Variants in SPATA7 observed in about 807,000 individuals in gnomAD.
SPATA7 encodes the protein spermatogenesis associated 7, also known as spermatogenesis-associated protein 7.
A neutral mutation model predicts 51.8 loss-of-function variants in SPATA7; 43 were observed. The ratio of observed to expected loss-of-function variants is 0.83; its 90% CI spans 0.65 to 1.07. SPATA7 has a LOEUF of 1.07. SPATA7 is among the 50% of genes least tolerant of loss of function. The pLI is 0.00. For synonymous variants in SPATA7, 230 were observed against 252.8 expected, an observed-to-expected ratio of 0.91 and a Z score of 0.86; for missense variants, 683 against 701.3, an observed-to-expected ratio of 0.97 and a Z score of 0.30.
At chr14:88,466,728 A>G (rs2140070504) in intron 4 of SPATA7, 1 of 150,850 alleles carries the variant, frequency 6.6e-6, no homozygotes, top group Admixed American at 6.7e-5. Flanking sequence ...CCTAAATGGG[A>G]TGGGTGAGGG....
At chr14:88,415,455 G>A (rs536767823) in intron 4 of SPATA7, among the ~76,000 whole-genome samples, 3 of 150,446 alleles carry the variant, frequency 2.0e-5, no homozygotes, top group Non-Finnish European at 4.4e-5. Flanking sequence ...TGTGTGATGG[G>A]CCTCTTGAAG....
intron 4 of SPATA7, chr14:88,465,792 T>G (rs1307784704): frequency 6.6e-6 from 1 of 152,190 alleles, no homozygotes; most frequent in Non-Finnish European, 1.5e-5. Context: ...GTGGATAGAT[T>G]TTTATTCAGA....
Position 88,391,353 on chromosome 14 carries a change from ATTTATGAT to A in SPATA7, c.20-24_20-17del. 1 of 1,572,542 alleles carries A rather than the reference ATTTATGAT, an allele frequency of 6.4e-7. No individual in the cohort carries two copies. The highest frequency in any genetic ancestry group is 8.7e-7 in the Non-Finnish European group (1 of 1,145,540). On this transcript the variant is annotated intron_variant, in intron 1 of 11. Transcript: ENST00000393545. Reference sequence around the variant, plus strand: ...TAAAAGTTGTGTTTCATTTATCCTAATTTATGATTTTTTTTTCTTGTTAAAAGTCAGAG... The same window carrying A: ...TAAAAGTTGTGTTTCATTTATCCTAATTTTTTTTCTTGTTAAAAGTCAGAG...
intron 1 of SPATA7, among the ~76,000 whole-genome samples, chr14:88,390,790 T>C (rs2075723863): frequency 6.6e-6 from 1 of 152,176 alleles, no homozygotes; most frequent in South Asian, 2.1e-4. Flanking sequence ...TGGTATTTTT[T>C]CTTATGTTTA....
chr14:88,423,496 C>T (rs1235768965), intron 5 of SPATA7, among the ~76,000 whole-genome samples: 2 of 150,918 alleles, frequency 1.3e-5, no homozygotes, highest in East Asian at 3.9e-4. Flanking sequence ...GTCGTGGCTG[C>T]AGTGAGCCAT....
chr14:88,414,713 G>A (rs1406749866), intron 4 of SPATA7: 1 of 373,264 alleles, frequency 2.7e-6, no homozygotes, highest in Non-Finnish European at 5.2e-6. Flanking sequence ...CACTGCTTTT[G>A]CTGCATCCCA....
chr14:88,441,709 C>T (rs1175918374), downstream of SPATA7, among the ~76,000 whole-genome samples: 2 of 151,962 alleles, frequency 1.3e-5, no homozygotes, highest in African/African-American at 4.8e-5. Context: ...TTGTTTCTTG[C>T]TGATTTGTTT....
intron 1 of SPATA7, among the ~76,000 whole-genome samples, chr14:88,386,579 T>C (rs2075584689): frequency 1.3e-5 from 2 of 152,146 alleles, no homozygotes; most frequent in Admixed American, 1.3e-4. Flanking sequence ...ATTTCTTGAG[T>C]CAGGTGGACA....
Position 88,429,386 on chromosome 14 carries a change from A to G in SPATA7, c.951A>G (p.Ile317Met). 1.2e-6 allele frequency: 2 copies of G among 1,612,624 alleles called. No homozygotes were observed. The highest frequency in any genetic ancestry group is 1.7e-6 in the Non-Finnish European group (2 of 1,178,900). The change falls in exon 8 of 12, where the codon ATA (isoleucine) becomes ATG (methionine). Residue 317 changes from isoleucine (I) to methionine (M), a missense_variant. Transcript: ENST00000393545. ...NCVTYDAKEK[I>M]APLPLEGHDS... ...TGACATATGATGCCAAAGAAAAAAT[A>G]GCTCCTTTACCTTTAGAAGGGCATG...
chr14:88,394,464 C>G (rs1474391819), intron 3 of SPATA7, among the ~76,000 whole-genome samples: 4 of 152,100 alleles, frequency 2.6e-5, no homozygotes, highest in African/African-American at 9.7e-5. Flanking sequence ...GAGACTAATT[C>G]ACACTGTTCT....
At chr14:88,467,310 T>C (rs1285037614) in intron 4 of SPATA7, 1 of 152,210 alleles carries the variant, frequency 6.6e-6, no homozygotes, top group East Asian at 1.9e-4. Context: ...TAGGCAATTG[T>C]TTTTCACTTC....
chr14:88,444,132 C>A (rs1471496286), intron 3 of SPATA7, among the ~76,000 whole-genome samples: 2 of 151,898 alleles, frequency 1.3e-5, no homozygotes, highest in Non-Finnish European at 2.9e-5. Context: ...TCTCCACATC[C>A]TCTCCAGCAC....
chr14:88,429,572 A>G (rs2076886742), intron 8 of SPATA7, 109 bp downstream of exon 8: 2 of 666,186 alleles, frequency 3.0e-6, no homozygotes, highest in Admixed American at 2.7e-5. Context: ...GCTCCAATCT[A>G]TTTTGGTGTT....
At chr14:88,425,865 A>G (rs927875084) in intron 5 of SPATA7, among the ~76,000 whole-genome samples, 2 of 152,204 alleles carry the variant, frequency 1.3e-5, no homozygotes, top group African/African-American at 4.8e-5. Flanking sequence ...AGTGAGGATG[A>G]TGTCACTAAT....
intron 4 of SPATA7, among the ~76,000 whole-genome samples, chr14:88,396,466 C>T (rs2075882291): frequency 6.6e-6 from 1 of 152,152 alleles, no homozygotes; most frequent in Admixed American, 6.5e-5. Context: ...ACTACTGTCA[C>T]CATTGTACTT....
intron 3 of SPATA7, among the ~76,000 whole-genome samples, chr14:88,450,163 C>A (rs1320213794): frequency 4.6e-5 from 7 of 151,986 alleles, no homozygotes; most frequent in Admixed American, 3.9e-4. Context: ...CTATTCCACC[C>A]CTTTACCTAA....
chr14:88,412,804 A>G (rs1323504284), intron 4 of SPATA7, among the ~76,000 whole-genome samples: 1 of 152,110 alleles, frequency 6.6e-6, no homozygotes, highest in African/African-American at 2.4e-5. Context: ...TTTTTAATTT[A>G]ATTAGGTCTC....
At chr14:88,461,148 CG>C (rs1046858475) in intron 4 of SPATA7, among the ~76,000 whole-genome samples, 1 of 152,188 alleles carries the variant, frequency 6.6e-6, no homozygotes, top group Non-Finnish European at 1.5e-5. Context: ...TTAGGCTACT[CG>C]GGGGTCAGGG....
At position 88,415,683 on chromosome 14, in the gene SPATA7, T is replaced by C. The variant is rs150491389; in HGVS notation, c.239-1028T>C. ...TGTAGTCTTGATTGCGTATTTGCTT[T>C]ATAGGATCTGTGAACCTCTGTATTT... On this transcript the variant is annotated intron_variant, in intron 4 of 11. Transcript: ENST00000393545. Among the ~76,000 whole-genome samples the C allele has an allele frequency of 4.0e-3, 605 of 152,306 alleles. 18 individuals are homozygous for C. The highest frequency in any genetic ancestry group is 0.036 in the Admixed American group (553 of 15,298).
Sources: allele counts gnomAD v4.1 joint callset (sites outside exome capture counted in the v4.1 genomes callset), GRCh38; gene constraint gnomAD v4.1.1; transcripts MANE v1.5; gene names NCBI Gene and HGNC (gene_info 2026-07-23, HGNC 2026-07-21).